The following KCNB2 variants were observed in gnomAD, a reference collection of about 807,000 sequenced individuals.
KCNB2 encodes delayed rectifier potassium channel protein.
In KCNB2, 15 loss-of-function variants were observed where a neutral mutation model predicts 61.5. That is an observed-to-expected ratio of 0.24 (90% CI 0.16 to 0.38). The LOEUF is 0.38. KCNB2 is among the 10% of genes least tolerant of loss of function. The pLI, the probability that KCNB2 is intolerant of heterozygous loss-of-function variation, is 1.00. For synonymous variants in KCNB2, 457 were observed against 446.0 expected, an observed-to-expected ratio of 1.02 and a Z score of -0.31; for missense variants, 828 against 1,125.2, an observed-to-expected ratio of 0.74 and a Z score of 3.78.
chr8:72,677,379 TC>T (rs1806673501), intron 2 of KCNB2, among the ~76,000 whole-genome samples: 2 of 152,142 alleles, frequency 1.3e-5, no homozygotes, highest in Non-Finnish European at 2.9e-5. Flanking sequence ...GCCATTGTCT[TC>T]TCGATCCTCA....
chr8:72,891,328 T>G (rs1805892954), intron 2 of KCNB2, among the ~76,000 whole-genome samples: 1 of 152,220 alleles, frequency 6.6e-6, no homozygotes, highest in Admixed American at 6.5e-5. Context: ...CACTTCAATG[T>G]ACAGTATAGT....
chr8:72,770,818 T>C (rs1198820870), intron 2 of KCNB2, among the ~76,000 whole-genome samples: 1 of 152,254 alleles, frequency 6.6e-6, no homozygotes, highest in Non-Finnish European at 1.5e-5. Context: ...TGCAGTATAC[T>C]GCAAATAATT....
intron 2 of KCNB2, among the ~76,000 whole-genome samples, chr8:72,894,290 G>C (rs1476251104): frequency 6.6e-6 from 1 of 152,114 alleles, no homozygotes; most frequent in Non-Finnish European, 1.5e-5. Context: ...TGTGTAGCTG[G>C]TGATCACTGG....
At chr8:72,661,893 G>A (rs977233354) in intron 2 of KCNB2, among the ~76,000 whole-genome samples, 1 of 152,094 alleles carries the variant, frequency 6.6e-6, no homozygotes, top group Non-Finnish European at 1.5e-5. Flanking sequence ...TTTTATTAAT[G>A]ATCTCAGTTT....
At chr8:72,840,488 C>T (rs928120885) in intron 2 of KCNB2, among the ~76,000 whole-genome samples, 1 of 152,204 alleles carries the variant, frequency 6.6e-6, no homozygotes, top group Non-Finnish European at 1.5e-5. Context: ...AGCACACTGT[C>T]TTCCACAATG....
At chr8:72,733,821 G>A (rs995910944) in intron 2 of KCNB2, among the ~76,000 whole-genome samples, 1 of 152,022 alleles carries the variant, frequency 6.6e-6, no homozygotes, top group Non-Finnish European at 1.5e-5. Context: ...CACCTGCTAT[G>A]AGCACTGAAT....
intron 2 of KCNB2, among the ~76,000 whole-genome samples, chr8:72,786,768 G>A (rs1808851396): frequency 6.6e-6 from 1 of 152,112 alleles, no homozygotes; most frequent in Non-Finnish European, 1.5e-5. Flanking sequence ...CTATCTCAAA[G>A]TAAAAACAGT....
At chr8:72,577,753 AC>A (rs1039859070) in intron 2 of KCNB2, among the ~76,000 whole-genome samples, 6 of 152,142 alleles carry the variant, frequency 3.9e-5, no homozygotes, top group African/African-American at 1.2e-4. Context: ...AGCCAAGTCA[AC>A]CCGGTGCAGC....
At chr8:72,712,748 A>G (rs921728542) in intron 2 of KCNB2, among the ~76,000 whole-genome samples, 2 of 152,220 alleles carry the variant, frequency 1.3e-5, no homozygotes, top group Non-Finnish European at 2.9e-5. Flanking sequence ...CACAGAAGAC[A>G]GGTGATTTCT....
intron 2 of KCNB2, among the ~76,000 whole-genome samples, chr8:72,738,609 T>G (rs1807891187): frequency 6.6e-6 from 1 of 152,184 alleles, no homozygotes. Context: ...ATAAAGCCCT[T>G]GATGCCCTCT....
chr8:72,649,859 G>C (rs987092692), intron 2 of KCNB2, among the ~76,000 whole-genome samples: 5 of 152,102 alleles, frequency 3.3e-5, no homozygotes, highest in African/African-American at 7.2e-5. Flanking sequence ...GACTCCAACA[G>C]GTGAAACCTT....
chr8:72,637,993 G>A (rs1430810388), intron 2 of KCNB2, among the ~76,000 whole-genome samples: 61 of 152,102 alleles, frequency 4.0e-4, no homozygotes, highest in Non-Finnish European at 1.0e-4. Flanking sequence ...TGAGACTGTG[G>A]CCAGCTTAGC....
At chr8:72,720,579 G>C (rs982683990) in intron 2 of KCNB2, among the ~76,000 whole-genome samples, 3 of 151,858 alleles carry the variant, frequency 2.0e-5, no homozygotes, top group Non-Finnish European at 2.9e-5. Flanking sequence ...TACCTCTCTT[G>C]TCACCTTCAT....
intron 2 of KCNB2, among the ~76,000 whole-genome samples, chr8:72,598,189 C>G (rs1224353071): frequency 1.3e-5 from 2 of 152,066 alleles, no homozygotes; most frequent in Non-Finnish European, 2.9e-5. Flanking sequence ...AACATTGATG[C>G]AAAAATCCTC....
At position 72,887,480 on chromosome 8, in the gene KCNB2, C is replaced by T. The variant is rs901272659; in HGVS notation, c.580-48455C>T. ...GGCCCAATTTCAGATAAACTCTGTA[C>T]GAGCTCATCAGAAGATGGGCCCAGT... On this transcript the variant is annotated intron_variant, in intron 2 of 2. Transcript: ENST00000523207. Among the ~76,000 whole-genome samples the T allele has an allele frequency of 4.6e-5, 7 of 152,248 alleles. No homozygotes were observed. In the South Asian group the frequency reaches 1.5e-3, roughly 32 times the overall value.
At chr8:72,857,330 G>A (rs999180366) in intron 2 of KCNB2, among the ~76,000 whole-genome samples, 2 of 152,132 alleles carry the variant, frequency 1.3e-5, no homozygotes, top group African/African-American at 4.8e-5. Flanking sequence ...AATGGAAAGG[G>A]GCAGAGCATT....
At chr8:72,821,341 T>G (rs1222029226) in intron 2 of KCNB2, among the ~76,000 whole-genome samples, 2 of 152,116 alleles carry the variant, frequency 1.3e-5, no homozygotes, top group African/African-American at 4.8e-5. Context: ...AACGCATGAC[T>G]AAAGAAGATC....
chr8:72,834,331 T>C (rs1809744192), intron 2 of KCNB2, among the ~76,000 whole-genome samples: 1 of 152,180 alleles, frequency 6.6e-6, no homozygotes, highest in African/African-American at 2.4e-5. Flanking sequence ...AGTTTCGATA[T>C]ATTTGGAGAA....
intron 2 of KCNB2, among the ~76,000 whole-genome samples, chr8:72,911,670 G>A (rs967236641): frequency 3.3e-5 from 5 of 152,152 alleles, no homozygotes; most frequent in Non-Finnish European, 5.9e-5. Context: ...GACTTGCAGC[G>A]GGTGATTCTT....
Sources: gnomAD v4.1 joint callset for allele counts (sites outside exome capture counted in the v4.1 genomes callset) on GRCh38, gnomAD v4.1.1 for gene constraint, MANE v1.5 for transcripts, NCBI Gene and HGNC (gene_info 2026-07-23, HGNC 2026-07-21) for gene names.